Variants in TFG observed in about 807,000 individuals in gnomAD.
The protein encoded by TFG is trafficking from ER to golgi regulator.
Under a neutral mutation model 51.4 loss-of-function variants are expected in TFG, and 22 were observed. The observed-to-expected ratio is 0.43, with a 90% CI of 0.31 to 0.61. TFG has a LOEUF of 0.61. TFG is among the 20% of genes least tolerant of loss of function. The probability of loss-of-function intolerance (pLI) is 0.12; values close to 1 mark genes in which losing one functional copy is unlikely to be tolerated. For missense variants in TFG, 419 were observed against 487.7 expected (o/e 0.86, Z 1.33); for synonymous variants, 187 against 165.6 (o/e 1.13, Z -0.99).
At chr3:100,714,916 C>T (rs2095041458) in intron 2 of TFG, among the ~76,000 whole-genome samples, 1 of 152,168 alleles carries the variant, frequency 6.6e-6, no homozygotes, top group Admixed American at 6.5e-5. Context: ...TAGTAGTAGA[C>T]TGTATTTCCT....
At position 100,732,564 on chromosome 3, in the gene TFG, A is replaced by T; in HGVS notation, c.472A>T (p.Thr158Ser). The T allele has an allele frequency of 6.2e-7, 1 of 1,613,006 alleles. No individual in the cohort carries two copies. The highest frequency in any genetic ancestry group is 8.5e-7 in the Non-Finnish European group (1 of 1,179,404). ...TTCTGATTCTTCTGGAAAACAGTCT[A>T]CTCAGGTTATGGCAGCAAGTATGTC... ...SASDSSGKQS[T>S]QVMAASMSAF... Residue 158 changes from threonine to serine, a missense_variant, in exon 5 of 8, where the codon ACT becomes TCT. Physicochemically the swap from Thr to Ser is moderately conservative, Grantham distance 58. Around this residue, in one of 3 missense-constraint regions of TFG, gnomAD observed 391 missense variants for 434.4 expected, o/e 0.90. Coordinates refer to ENST00000240851, the MANE Select transcript of TFG (RefSeq NM_006070.6).
Position 100,724,157 on chromosome 3 carries a change from A to T in TFG, c.268+4099A>T, listed in dbSNP as rs7620718. 4.4e-3 allele frequency among the ~76,000 whole-genome samples: 673 copies of T among 152,290 alleles called. 7 individuals carry two copies. Among genetic ancestry groups the T allele is most frequent in the African/African-American group, 0.015 (644 of 41,578 alleles). On this transcript the variant is annotated intron_variant, in intron 3 of 7. Transcript: ENST00000240851. ...TAAATACTTTATATTAGTAAACTGG[A>T]TTGGAAATTTTTGAGCAAGGTATTC...
chr3:100,728,596 T>C lies in TFG; in HGVS notation c.269-116T>C, dbSNP rs2149077864. ...TTAAAAAAAAAGTTACTCCATTACA[T>C]TGATATCTTGTTTTTGTTTTTTTAA... On this transcript the variant is annotated intron_variant, in intron 3 of 7. Coordinates refer to ENST00000240851, the MANE Select transcript of TFG (RefSeq NM_006070.6). 6 of 834,690 alleles carry C rather than the reference T, an allele frequency of 7.2e-6. No homozygotes were observed. In the South Asian group the frequency reaches 1.3e-4, roughly 18 times the overall value. 51.7% of individuals were successfully genotyped at this position (834,690 alleles called of 1,614,324 possible).
chr3:100,745,877 T>G, intron 7 of TFG, among the ~76,000 whole-genome samples: 1 of 152,154 alleles, frequency 6.6e-6, no homozygotes, highest in East Asian at 1.9e-4. Context: ...ATGGCAGAGT[T>G]GAGTAGTTGC....
At chr3:100,728,037 T>C (rs2095080756) in intron 3 of TFG, among the ~76,000 whole-genome samples, 1 of 152,126 alleles carries the variant, frequency 6.6e-6, no homozygotes, top group South Asian at 2.1e-4. Flanking sequence ...TCTCACTGTA[T>C]TGCTCAGGTT....
intron 3 of TFG, among the ~76,000 whole-genome samples, chr3:100,726,939 T>C (rs1255816632): frequency 6.6e-6 from 1 of 152,172 alleles, no homozygotes; most frequent in African/African-American, 2.4e-5. Context: ...CTAAATCTTA[T>C]CTGGAAGGTG....
intron 3 of TFG, among the ~76,000 whole-genome samples, chr3:100,724,545 G>T (rs2095069592): frequency 6.6e-6 from 1 of 152,156 alleles, no homozygotes; most frequent in African/African-American, 2.4e-5. Context: ...AGGAACAGAT[G>T]ATTCTAAATT....
At chr3:100,717,162 A>G (rs982104583) in intron 2 of TFG, among the ~76,000 whole-genome samples, 1 of 152,234 alleles carries the variant, frequency 6.6e-6, no homozygotes, top group African/African-American at 2.4e-5. Context: ...GTCAAAAGTC[A>G]GTTGGCTATA....
At chr3:100,744,117 T>C (rs2095128786) in intron 6 of TFG, 1 of 152,164 alleles carries the variant, frequency 6.6e-6, no homozygotes, top group African/African-American at 2.4e-5. Flanking sequence ...AGGTAATAAG[T>C]GTCTAAAGGG....
intron 2 of TFG, among the ~76,000 whole-genome samples, chr3:100,717,139 A>G (rs551103450): frequency 4.3e-4 from 66 of 152,238 alleles, no homozygotes; most frequent in African/African-American, 1.6e-3. Context: ...TCCTTTTCCT[A>G]ATGAGTGGTC....
At chr3:100,715,520 A>G (rs949905826) in intron 2 of TFG, among the ~76,000 whole-genome samples, 7 of 152,196 alleles carry the variant, frequency 4.6e-5, no homozygotes, top group African/African-American at 1.7e-4. Flanking sequence ...ATCACTGGTG[A>G]TCAGTTAAAT....
chr3:100,713,887 G>C lies in TFG; in HGVS notation c.184+18G>C, dbSNP rs751406877. 7 of 1,290,642 alleles carry C rather than the reference G, an allele frequency of 5.4e-6. No homozygotes were observed. The highest frequency in any genetic ancestry group is 1.5e-5 in the African/African-American group (1 of 65,538). 79.9% of individuals were successfully genotyped at this position (1,290,642 alleles called of 1,614,324 possible). ...AGATGAAGGTAAGAGTGTTTTTAAA[G>C]CTATTTTTTAAAGTCTTTTTAAAAA... On this transcript the variant is annotated intron_variant, in intron 2 of 7. Coordinates refer to ENST00000240851, the MANE Select transcript of TFG (RefSeq NM_006070.6).
intron 3 of TFG, among the ~76,000 whole-genome samples, chr3:100,721,919 G>A (rs2095061831): frequency 6.6e-6 from 1 of 152,270 alleles, no homozygotes; most frequent in African/African-American, 2.4e-5. Flanking sequence ...GGGAGGCCAA[G>A]GCGGGCGGAT....
Position 100,736,727 on chromosome 3 carries a change from G to A in TFG, c.721+11G>A, listed in dbSNP as rs1559719067. On this transcript the variant is annotated intron_variant, in intron 6 of 7. Coordinates refer to ENST00000240851, the MANE Select transcript of TFG (RefSeq NM_006070.6). ...CAGGTCAGATTGAAGGTAAAATAGA[G>A]TTTAGAACACATGTTTGGGAAAGTA... 1 of 1,612,296 alleles carries A rather than the reference G, an allele frequency of 6.2e-7. No homozygotes were observed. The highest frequency in any genetic ancestry group is 2.2e-5 in the East Asian group (1 of 44,762).
intron 3 of TFG, among the ~76,000 whole-genome samples, chr3:100,727,825 A>T (rs1469157011): frequency 6.6e-6 from 1 of 151,842 alleles, no homozygotes. Flanking sequence ...TATATTTTTA[A>T]ATTTATATTT....
At chr3:100,725,622 C>CAAAAA (rs763163559) in intron 3 of TFG, among the ~76,000 whole-genome samples, 2 of 83,488 alleles carry the variant, frequency 2.4e-5, no homozygotes, top group Non-Finnish European at 4.6e-5. Context: ...ACCAAAAATA[C>CAAAAA]AAAAAAAAAA....
At chr3:100,714,084 G>A (rs1416693147) in intron 2 of TFG, among the ~76,000 whole-genome samples, 2 of 151,730 alleles carry the variant, frequency 1.3e-5, no homozygotes, top group South Asian at 4.2e-4. Flanking sequence ...AGTATTGTAT[G>A]TGTTATTTTG....
chr3:100,723,093 T>G (rs1326135395), intron 3 of TFG, among the ~76,000 whole-genome samples: 1 of 152,182 alleles, frequency 6.6e-6, no homozygotes, highest in African/African-American at 2.4e-5. Context: ...GAGCATTGAT[T>G]GTTACAAAAT....
chr3:100,745,014 G>A (rs2095131314), intron 7 of TFG, 83 bp downstream of exon 7: 1 of 698,508 alleles, frequency 1.4e-6, no homozygotes, highest in African/African-American at 2.2e-5. Flanking sequence ...TCCTTGATTT[G>A]TAGTACATTG....
Sources: gnomAD v4.1 joint callset for allele counts (sites outside exome capture counted in the v4.1 genomes callset) on GRCh38, gnomAD v4.1.1 for gene constraint, gnomAD v4.1.1 regional missense constraint, MANE v1.5 for transcripts, NCBI Gene and HGNC (gene_info 2026-07-23, HGNC 2026-07-21) for gene names.